The following STX18 variants were observed in gnomAD, a reference collection of about 807,000 sequenced individuals.
STX18 encodes the protein syntaxin-18.
Under a neutral mutation model 50.1 loss-of-function variants are expected in STX18, and 40 were observed. The ratio of observed to expected loss-of-function variants is 0.80; its 90% CI spans 0.62 to 1.04. The LOEUF (loss-of-function observed/expected upper bound fraction) is 1.04, where lower values mean the gene tolerates loss of function less well. STX18 is among the 50% of genes least tolerant of loss of function. The pLI is 0.00. For missense variants in STX18, 410 were observed against 415.8 expected (o/e 0.99, Z 0.12); for synonymous variants, 158 against 151.8 (o/e 1.04, Z -0.30).
At chr4:4,434,945 A>G in intron 6 of STX18, 87 bp from the exon 7 acceptor site, 1 of 858,730 alleles carries the variant, frequency 1.2e-6, no homozygotes, top group Non-Finnish European at 1.8e-6. Flanking sequence ...CAAACAAGAG[A>G]TTAAACAGAA....
In STX18 at chr4:4,427,430, AAC is replaced by A. The variant is rs1725304218; in HGVS notation, c.703-2210_703-2209del. Among the ~76,000 whole-genome samples the A allele has an allele frequency of 2.0e-5, 3 of 152,224 alleles. No individual in the cohort carries two copies. The South Asian group carries it at 6.2e-4, about 31-fold the overall frequency. On this transcript the variant is annotated intron_variant, in intron 7 of 10. Coordinates refer to ENST00000306200, the MANE Select transcript of STX18 (RefSeq NM_016930.4). Reference sequence around the variant, plus strand: ...TGAAAGTATCCGCTCTGTTAACTTCAACAGTTACTTAAGAGGACAGTATTTAA... The same window carrying A: ...TGAAAGTATCCGCTCTGTTAACTTCAAGTTACTTAAGAGGACAGTATTTAA...
At chr4:4,421,910 G>A (rs1288544823) in intron 9 of STX18, among the ~76,000 whole-genome samples, 1 of 152,140 alleles carries the variant, frequency 6.6e-6, no homozygotes, top group Non-Finnish European at 1.5e-5. Context: ...TAACACAGGG[G>A]GCGTCTGGCC....
intron 2 of STX18, 65 bp downstream of exon 2, chr4:4,471,574 A>G: frequency 8.7e-7 from 1 of 1,151,334 alleles, no homozygotes; most frequent in Non-Finnish European, 1.2e-6. Context: ...CAAAAAGCGC[A>G]AAAGAAATAT....
At chr4:4,528,873 C>T (rs1341763108) in intron 1 of STX18, among the ~76,000 whole-genome samples, 1 of 152,224 alleles carries the variant, frequency 6.6e-6, no homozygotes, top group African/African-American at 2.4e-5. Flanking sequence ...CTCCAGAGAT[C>T]TCCACGGAAC....
At chr4:4,431,906 C>T (rs192223062) in intron 7 of STX18, among the ~76,000 whole-genome samples, 103 of 152,272 alleles carry the variant, frequency 6.8e-4, no homozygotes, top group African/African-American at 2.3e-3. Context: ...GGAATCCCTG[C>T]GGCTGTCTTC....
chr4:4,491,693 T>C (rs1728948976), intron 1 of STX18, among the ~76,000 whole-genome samples: 1 of 152,146 alleles, frequency 6.6e-6, no homozygotes, highest in Non-Finnish European at 1.5e-5. Flanking sequence ...TGTCTTGTGA[T>C]ATCGTTGATC....
intron 1 of STX18, among the ~76,000 whole-genome samples, chr4:4,513,829 A>G (rs16835794): frequency 0.024 from 3,672 of 152,210 alleles, 145 homozygotes; most frequent in African/African-American, 0.084. Flanking sequence ...TGATGAGACA[A>G]TCATAAACTT....
In STX18 at chr4:4,432,354, T is replaced by G. The variant is rs1184284171; in HGVS notation, c.702+2416A>C. On this transcript the variant is annotated intron_variant, in intron 7 of 10. Coordinates refer to ENST00000306200, the MANE Select transcript of STX18 (RefSeq NM_016930.4). Reference sequence around the variant, plus strand: ...GCTCCAGCTGCCATCCTGCATGCCCTGACCCTGCCATGATGGCATGCATGC... The same window carrying G: ...GCTCCAGCTGCCATCCTGCATGCCCGGACCCTGCCATGATGGCATGCATGC... 3.9e-5 allele frequency among the ~76,000 whole-genome samples: 6 copies of G among 152,260 alleles called. 1 individual carries two copies. Among genetic ancestry groups the G allele is most frequent in the Admixed American group, 3.9e-4 (6 of 15,290 alleles).
chr4:4,472,790 G>T (rs1318409518), intron 1 of STX18, among the ~76,000 whole-genome samples: 1 of 152,206 alleles, frequency 6.6e-6, no homozygotes, highest in Non-Finnish European at 1.5e-5. Flanking sequence ...TGTGGAATGA[G>T]TATATGCCTA....
At chr4:4,530,104 C>A (rs888555005) in intron 1 of STX18, among the ~76,000 whole-genome samples, 2 of 152,090 alleles carry the variant, frequency 1.3e-5, no homozygotes, top group African/African-American at 4.8e-5. Context: ...CATTTCCTAC[C>A]ACAGCAAATA....
At chr4:4,443,457 A>G (rs566709865) in intron 5 of STX18, among the ~76,000 whole-genome samples, 31 of 152,400 alleles carry the variant, frequency 2.0e-4, no homozygotes, top group African/African-American at 7.0e-4. Context: ...CTTTATGATG[A>G]AAGCCTAAGT....
intron 3 of STX18, among the ~76,000 whole-genome samples, chr4:4,458,170 T>A (rs373741129): frequency 1.3e-4 from 20 of 152,204 alleles, no homozygotes; most frequent in African/African-American, 4.6e-4. Context: ...ACAATAGCAA[T>A]TCCGAGTTTC....
At chr4:4,482,616 TC>T (rs1337710395) in intron 1 of STX18, among the ~76,000 whole-genome samples, 3 of 152,228 alleles carry the variant, frequency 2.0e-5, no homozygotes, top group Non-Finnish European at 4.4e-5. Context: ...TTCCTGCACT[TC>T]CTGCAACCAC....
intron 1 of STX18, among the ~76,000 whole-genome samples, chr4:4,514,614 T>C (rs17703275): frequency 0.033 from 5,023 of 152,248 alleles, 103 homozygotes; most frequent in Non-Finnish European, 0.048. Context: ...AGTAATACAA[T>C]AGGATAGGAT....
chr4:4,496,182 G>A (rs1577374635), intron 1 of STX18, among the ~76,000 whole-genome samples: 2 of 152,156 alleles, frequency 1.3e-5, no homozygotes, highest in South Asian at 4.1e-4. Flanking sequence ...ACTTGCCAAA[G>A]CTGCCAATAA....
At chr4:4,505,590 G>T (rs548515813) in intron 1 of STX18, among the ~76,000 whole-genome samples, 2 of 151,660 alleles carry the variant, frequency 1.3e-5, no homozygotes, top group Admixed American at 1.3e-4. Context: ...GACCAGCCTG[G>T]CCAACACGGC....
At chr4:4,485,808 A>G (rs936011454) in intron 1 of STX18, among the ~76,000 whole-genome samples, 5 of 152,062 alleles carry the variant, frequency 3.3e-5, no homozygotes, top group African/African-American at 1.2e-4. Context: ...CCTGTCCCCT[A>G]TGCGCTCTCC....
At chr4:4,503,449 A>C (rs1729553395) in intron 1 of STX18, among the ~76,000 whole-genome samples, 1 of 152,184 alleles carries the variant, frequency 6.6e-6, no homozygotes, top group Non-Finnish European at 1.5e-5. Context: ...CTCAACACAG[A>C]ACTCAACATA....
intron 2 of STX18, among the ~76,000 whole-genome samples, chr4:4,461,495 C>T (rs1156243149): frequency 6.6e-6 from 1 of 152,144 alleles, no homozygotes. Context: ...GAAAAAATTA[C>T]AGCTTCCTAA....
Sources: gnomAD v4.1 joint callset for allele counts (sites outside exome capture counted in the v4.1 genomes callset) on GRCh38, gnomAD v4.1.1 for gene constraint, MANE v1.5 for transcripts, NCBI Gene and HGNC (gene_info 2026-07-23, HGNC 2026-07-21) for gene names.